The following PCDHGB4 variants were observed in gnomAD, a reference collection of about 807,000 sequenced individuals.
The protein encoded by PCDHGB4 is protocadherin gamma-B4.
A neutral mutation model predicts 60.5 loss-of-function variants in PCDHGB4; 38 were observed. The observed-to-expected ratio is 0.63, with a 90% confidence interval of 0.48 to 0.82. The LOEUF is 0.82. PCDHGB4 is among the 40% of genes least tolerant of loss of function. PCDHGB4 has a pLI of 0.00. For synonymous variants in PCDHGB4, 456 were observed against 509.7 expected (o/e 0.89, Z 1.42); for missense variants, 1,109 against 1,209.6 (o/e 0.92, Z 1.23).
intron 1 of PCDHGB4, chr5:141,400,120 C>T: frequency 1.2e-6 from 2 of 1,614,076 alleles, no homozygotes; most frequent in Non-Finnish European, 1.7e-6. Flanking sequence ...TGACAGCTTG[C>T]AGGAGGTGCT....
intron 1 of PCDHGB4, chr5:141,400,775 C>T (rs2094072666): frequency 5.4e-6 from 3 of 559,824 alleles, no homozygotes; most frequent in South Asian, 5.1e-5. Context: ...ACATTTGGTG[C>T]GTTTTTTTGT....
intron 1 of PCDHGB4, chr5:141,423,156 C>T (rs62378456): frequency 0.034 from 55,171 of 1,613,388 alleles, 1,070 homozygotes; most frequent in Middle Eastern, 0.098. Context: ...AGCAGAGCCT[C>T]GTGGTGGCCG....
chr5:141,472,769 T>C (rs2154571402), intron 1 of PCDHGB4, among the ~76,000 whole-genome samples: 1 of 151,816 alleles, frequency 6.6e-6, no homozygotes, highest in South Asian at 2.1e-4. Context: ...GCAGATCACC[T>C]GAGGTTGGGA....
intron 1 of PCDHGB4, chr5:141,404,669 A>G: frequency 1.9e-6 from 3 of 1,614,100 alleles, no homozygotes; most frequent in Non-Finnish European, 2.5e-6. Context: ...TGATGGTTCT[A>G]CTGGTGTGGA....
At chr5:141,437,862 C>T (rs535370570) in intron 1 of PCDHGB4, among the ~76,000 whole-genome samples, 5 of 152,002 alleles carry the variant, frequency 3.3e-5, no homozygotes, top group African/African-American at 9.6e-5. Context: ...CTTAGCCTCC[C>T]GAGTAGCTGG....
rs1183407162 is a variant in PCDHGB4 at position 141,422,793 on chromosome 5, C to G, written c.2397+32512C>G. 3 of 1,614,110 alleles carry G rather than the reference C, an allele frequency of 1.9e-6. No individual in the cohort carries two copies. The South Asian group carries it at 3.3e-5, about 18-fold the overall frequency. On this transcript the variant is annotated intron_variant, in intron 1 of 3. Transcript: ENST00000519479. Reference sequence around the variant, plus strand: ...TTCTCTATGCCCTACAATCCTTCGACTATGAGCAGTTTCGAGACTTAGAAC... The same window carrying G: ...TTCTCTATGCCCTACAATCCTTCGAGTATGAGCAGTTTCGAGACTTAGAAC...
At chr5:141,418,305 G>T in intron 1 of PCDHGB4, 1 of 1,614,026 alleles carries the variant, frequency 6.2e-7, no homozygotes, top group South Asian at 1.1e-5. Context: ...GTCAGCCTGG[G>T]GATGGGAACA....
rs769909773 is a variant in PCDHGB4 at position 141,476,732 on chromosome 5, C to T, written c.2398-18075C>T. The T allele has an allele frequency of 8.7e-6, 14 of 1,614,096 alleles. No homozygotes were observed. Among genetic ancestry groups the T allele is most frequent in the Non-Finnish European group, 1.1e-5 (13 of 1,180,030 alleles). ...GTTGGAGCGCGCCCTGGACCGAGAA[C>T]GGGAGCCTAGTCTCCAGTTAGTGCT... is the stretch of plus-strand genomic sequence containing the variant. On this transcript the variant is annotated intron_variant, in intron 1 of 3. Coordinates refer to ENST00000519479, the MANE Select transcript of PCDHGB4 (RefSeq NM_003736.4). The surrounding 1 kb of genome is among the most constrained non-coding windows in gnomAD (Gnocchi z 7.6).
intron 1 of PCDHGB4, chr5:141,421,183 A>G (rs1286755310): frequency 2.7e-6 from 4 of 1,457,360 alleles, no homozygotes; most frequent in Admixed American, 4.8e-5. Flanking sequence ...CCGATTCACA[A>G]CCAACCAGCT....
intron 1 of PCDHGB4, chr5:141,441,447 C>T: frequency 6.2e-6 from 1 of 161,550 alleles, no homozygotes. Flanking sequence ...CCAGCCCAAG[C>T]ATCACCCTAC....
intron 1 of PCDHGB4, among the ~76,000 whole-genome samples, chr5:141,443,376 T>C (rs1365277469): frequency 6.6e-6 from 1 of 151,990 alleles, no homozygotes; most frequent in Admixed American, 6.6e-5. Flanking sequence ...TCTCAGCTAC[T>C]TGGGAGGCTG....
chr5:141,393,555 C>G, intron 1 of PCDHGB4: 6 of 1,613,928 alleles, frequency 3.7e-6, no homozygotes, highest in Non-Finnish European at 5.1e-6. Flanking sequence ...CCCGATTTAC[C>G]GAGTGAAAGT....
chr5:141,481,842 T>C (rs1402237517), intron 1 of PCDHGB4, among the ~76,000 whole-genome samples: 1 of 144,038 alleles, frequency 6.9e-6, no homozygotes, highest in Non-Finnish European at 1.5e-5. Flanking sequence ...AATCGCTTGA[T>C]GGTGGAGGTT....
chr5:141,457,429 C>A (rs73280316), intron 1 of PCDHGB4, among the ~76,000 whole-genome samples: 7 of 152,178 alleles, frequency 4.6e-5, no homozygotes, highest in Non-Finnish European at 7.4e-5. Flanking sequence ...TTTTCCCCCC[C>A]ACCAAGCTGC....
Position 141,388,690 on chromosome 5 carries a change from A to T in PCDHGB4, c.806A>T (p.Gln269Leu). 6.2e-7 allele frequency: 1 copy of T among 1,614,030 alleles called. No individual in the cohort carries two copies. Among genetic ancestry groups the T allele is most frequent in the Middle Eastern group, 1.6e-4 (1 of 6,062 alleles). Residue 269 changes from glutamine (Q) to leucine (L), a missense_variant, in exon 1 of 4, where the codon CAG becomes CTG. Coordinates refer to ENST00000519479, the MANE Select transcript of PCDHGB4 (RefSeq NM_003736.4). ...TTVLQVTATD[Q>L]DEGVNAEITF... ...GTGCTACAGGTGACTGCCACGGACC[A>T]GGATGAGGGTGTCAATGCCGAGATT...
chr5:141,504,496 G>C (rs2099838771), intron 2 of PCDHGB4, among the ~76,000 whole-genome samples: 1 of 152,100 alleles, frequency 6.6e-6, no homozygotes, highest in Non-Finnish European at 1.5e-5. Flanking sequence ...CACCTGCCCA[G>C]TCTGAGTGGA....
chr5:141,393,250 C>G, intron 1 of PCDHGB4: 11 of 1,613,824 alleles, frequency 6.8e-6, no homozygotes, highest in South Asian at 1.1e-5. Flanking sequence ...AACGAAATCG[C>G]GGTTCCTGGA....
chr5:141,511,002 C>T lies in PCDHGB4; in HGVS notation c.2601C>T (p.Ser867=), dbSNP rs143630962. 77 of 1,614,140 alleles carry T rather than the reference C, an allele frequency of 4.8e-5. No individual in the cohort carries two copies. Among genetic ancestry groups the T allele is most frequent in the South Asian group, 2.1e-4 (19 of 91,080 alleles). ...GGGGTGCCGGCACCATGGGATTGAG[C>T]GCCCGCTACGGACCCCAGTTCACCC... The part of the protein sequence containing the change: ...LGGGAGTMGL[S]ARYGPQFTLQ... Residue 867 remains serine (S), a synonymous_variant, in exon 4 of 4, where the codon AGC becomes AGT. Coordinates refer to ENST00000519479, the MANE Select transcript of PCDHGB4 (RefSeq NM_003736.4).
intron 1 of PCDHGB4, among the ~76,000 whole-genome samples, chr5:141,400,846 A>G (rs1273650139): frequency 6.6e-6 from 1 of 152,190 alleles, no homozygotes; most frequent in Non-Finnish European, 1.5e-5. Context: ...ACATGTTTAT[A>G]TTTTATTGTA....
Sources: allele counts gnomAD v4.1 joint callset (sites outside exome capture counted in the v4.1 genomes callset), GRCh38; gene constraint gnomAD v4.1.1; non-coding constraint Gnocchi (gnomAD v3.1); transcripts MANE v1.5; gene names NCBI Gene and HGNC (gene_info 2026-07-23, HGNC 2026-07-21).